Variants in RBFOX1 observed in about 807,000 individuals in gnomAD.
The protein encoded by RBFOX1 is RNA binding protein fox-1 homolog 1.
Under a neutral mutation model 57.7 loss-of-function variants are expected in RBFOX1, and 8 were observed. The ratio of observed to expected loss-of-function variants is 0.14; its 90% CI spans 0.08 to 0.25. RBFOX1 has a LOEUF of 0.25. RBFOX1 is among the 10% of genes least tolerant of loss of function. RBFOX1 has a pLI of 1.00. For synonymous variants in RBFOX1, 326 were observed against 222.4 expected (o/e 1.47, Z -4.15); for missense variants, 611 against 548.5 (o/e 1.11, Z -1.14).
chr16:5,426,100 T>C (rs2067550673), intron 1 of RBFOX1, among the ~76,000 whole-genome samples: 1 of 152,142 alleles, frequency 6.6e-6, no homozygotes, highest in African/African-American at 2.4e-5. Context: ...CGATTTCACA[T>C]TCAGGTGAAA....
chr16:5,859,311 G>A (rs886950642), intron 3 of RBFOX1, among the ~76,000 whole-genome samples: 2 of 152,210 alleles, frequency 1.3e-5, no homozygotes, highest in African/African-American at 4.8e-5. Context: ...TTCTGCTACT[G>A]TTACAGTGAT....
At chr16:7,674,363 C>G (rs769797049) in intron 13 of RBFOX1, among the ~76,000 whole-genome samples, 1 of 152,128 alleles carries the variant, frequency 6.6e-6, no homozygotes, top group South Asian at 2.1e-4. Context: ...GTTCATTGCA[C>G]TAGTTACCTT....
chr16:6,995,450 C>T (rs145267512), intron 3 of RBFOX1, among the ~76,000 whole-genome samples: 13 of 152,098 alleles, frequency 8.5e-5, no homozygotes, highest in African/African-American at 1.7e-4. Context: ...AGCAAATAAT[C>T]TTGCTGGTGG....
intron 2 of RBFOX1, chr16:6,483,116 T>G: frequency 9.7e-7 from 1 of 1,030,442 alleles, no homozygotes; most frequent in Non-Finnish European, 1.2e-6. Flanking sequence ...GCAGCCCCAG[T>G]ATCCACTGCC....
intron 3 of RBFOX1, among the ~76,000 whole-genome samples, chr16:6,731,334 T>C (rs982514516): frequency 6.6e-6 from 1 of 152,124 alleles, no homozygotes; most frequent in Non-Finnish European, 1.5e-5. Context: ...ACTGACCATA[T>C]ATCATTGTGG....
intron 3 of RBFOX1, among the ~76,000 whole-genome samples, chr16:6,951,218 TC>T (rs2080691172): frequency 6.6e-6 from 1 of 152,116 alleles, no homozygotes; most frequent in Non-Finnish European, 1.5e-5. Flanking sequence ...AACTTTTTTT[TC>T]TTAACCAGTT....
chr16:5,883,571 T>C (rs2057820699), intron 4 of RBFOX1, among the ~76,000 whole-genome samples: 1 of 152,090 alleles, frequency 6.6e-6, no homozygotes, highest in Middle Eastern at 3.2e-3. Context: ...AGTGAGGAAT[T>C]TGAACACACA....
chr16:7,563,734 C>T (rs534487094), intron 5 of RBFOX1, among the ~76,000 whole-genome samples: 214 of 152,160 alleles, frequency 1.4e-3, no homozygotes, highest in Non-Finnish European at 2.5e-3. Flanking sequence ...TCCCAAAGTG[C>T]TGGGATTACA....
chr16:6,207,436 G>C lies in RBFOX1; in HGVS notation c.-126-109559G>C, dbSNP rs80115954. Among the ~76,000 whole-genome samples, 647 of 152,216 alleles carry C rather than the reference G, an allele frequency of 4.3e-3. 3 individuals carry two copies. Among genetic ancestry groups the C allele is most frequent in the African/African-American group, 0.015 (619 of 41,542 alleles). On this transcript the variant is annotated intron_variant, in intron 1 of 15. Coordinates refer to ENST00000550418, the MANE Select transcript of RBFOX1 (RefSeq NM_018723.4). Reference sequence around the variant, plus strand: ...AGGAAGAGGCAATCCGTTTGACAGAGGTGTTACTGGAATGATGAAAATCAA... The same window carrying C: ...AGGAAGAGGCAATCCGTTTGACAGACGTGTTACTGGAATGATGAAAATCAA...
At chr16:5,742,196 C>T (rs2052791904) in intron 3 of RBFOX1, among the ~76,000 whole-genome samples, 1 of 151,230 alleles carries the variant, frequency 6.6e-6, no homozygotes, top group Non-Finnish European at 1.5e-5. Flanking sequence ...CCCTTCCTTC[C>T]TCCAGTCCTT....
intron 1 of RBFOX1, among the ~76,000 whole-genome samples, chr16:6,163,421 A>G (rs117443839): frequency 2.2e-4 from 34 of 152,346 alleles, no homozygotes; most frequent in African/African-American, 6.5e-4. Context: ...GCGATTGGTA[A>G]GTTCATTGTT....
chr16:6,903,083 C>G (rs2068874743), intron 3 of RBFOX1, among the ~76,000 whole-genome samples: 1 of 152,148 alleles, frequency 6.6e-6, no homozygotes. Context: ...CAACCTGACT[C>G]AGGACTTCAA....
rs146692853 is a variant in RBFOX1, at chr16:6,089,408, T to C, written c.-127+69416T>C. Among the ~76,000 whole-genome samples the C allele has an allele frequency of 1.2e-3, 188 of 152,202 alleles. 1 individual carries two copies. Among genetic ancestry groups the C allele is most frequent in the African/African-American group, 4.2e-3 (173 of 41,532 alleles). ...GAGATTCAGATGCACTAAAGAAATA[T>C]CCCATCATTTAGGATGGTCGGCATA... On this transcript the variant is annotated intron_variant, in intron 1 of 15. Coordinates refer to ENST00000550418, the MANE Select transcript of RBFOX1 (RefSeq NM_018723.4).
At chr16:7,124,195 A>G (rs1434606432) in intron 4 of RBFOX1, among the ~76,000 whole-genome samples, 1 of 152,158 alleles carries the variant, frequency 6.6e-6, no homozygotes, top group African/African-American at 2.4e-5. Flanking sequence ...GCACTTCGGG[A>G]GGCCAAGGCA....
intron 1 of RBFOX1, among the ~76,000 whole-genome samples, chr16:5,425,964 C>T (rs1364117616): frequency 2.0e-5 from 3 of 152,238 alleles, no homozygotes; most frequent in Non-Finnish European, 4.4e-5. Flanking sequence ...TTCCTTTCAC[C>T]CCTGGAAGGA....
At position 7,574,408 on chromosome 16, in the gene RBFOX1, C is replaced by T. The variant is rs4494565; in HGVS notation, c.271-5369C>T. On this transcript the variant is annotated intron_variant, in intron 5 of 15. Coordinates refer to ENST00000550418, the MANE Select transcript of RBFOX1 (RefSeq NM_018723.4). ...CACAAGGTGAAGTCCCACAATAGGCCCTCTGTAAGCTGAGGAGCAAGGAAG... is the reference window on the plus strand; with the variant it reads ...CACAAGGTGAAGTCCCACAATAGGCTCTCTGTAAGCTGAGGAGCAAGGAAG... Among the ~76,000 whole-genome samples, 1,043 of 152,186 alleles carry T rather than the reference C, an allele frequency of 6.9e-3. 14 individuals are homozygous for T. The highest frequency in any genetic ancestry group is 0.024 in the African/African-American group (995 of 41,498).
At chr16:7,335,580 T>C (rs1371293538) in intron 4 of RBFOX1, among the ~76,000 whole-genome samples, 1 of 43,616 alleles carries the variant, frequency 2.3e-5, no homozygotes, top group Non-Finnish European at 4.5e-5. Flanking sequence ...TTGCCTCAGA[T>C]AAAGAAAAAA....
intron 3 of RBFOX1, among the ~76,000 whole-genome samples, chr16:6,787,130 G>C (rs1254347340): frequency 6.6e-6 from 1 of 152,124 alleles, no homozygotes; most frequent in Non-Finnish European, 1.5e-5. Context: ...TGCCCCAATT[G>C]AGTGCTCTCC....
chr16:7,095,374 G>A lies in RBFOX1; in HGVS notation c.27+43276G>A, dbSNP rs150068948. On this transcript the variant is annotated intron_variant, in intron 4 of 15. Transcript: ENST00000550418. ...GCTGGTCTCGAACTCCTGACCTCAG[G>A]TAATCGACCTGCCTCAGCCTCCCAC... Among the ~76,000 whole-genome samples, 1,011 of 152,240 alleles carry A rather than the reference G, an allele frequency of 6.6e-3. 10 individuals are homozygous for A. The highest frequency in any genetic ancestry group is 0.023 in the African/African-American group (960 of 41,536).
Sources: allele counts gnomAD v4.1 joint callset (sites outside exome capture counted in the v4.1 genomes callset), GRCh38; gene constraint gnomAD v4.1.1; transcripts MANE v1.5; gene names NCBI Gene and HGNC (gene_info 2026-07-23, HGNC 2026-07-21).